The following PRKCA variants were observed in gnomAD, a reference collection of about 807,000 sequenced individuals.
The protein encoded by PRKCA is protein kinase C alpha type.
A neutral mutation model predicts 87.0 loss-of-function variants in PRKCA; 27 were observed. The ratio of observed to expected loss-of-function variants is 0.31; its 90% CI spans 0.23 to 0.43. The LOEUF (loss-of-function observed/expected upper bound fraction) is 0.43. PRKCA is among the 20% of genes least tolerant of loss of function. The pLI is 1.00. For missense variants in PRKCA, 518 were observed against 852.3 expected, an observed-to-expected ratio of 0.61 and a Z score of 4.88; for synonymous variants, 329 against 311.1, an observed-to-expected ratio of 1.06 and a Z score of -0.61.
rs1386903183 is a variant in PRKCA, at chr17:66,396,384, A to G, written c.205+90257A>G. 3.9e-5 allele frequency among the ~76,000 whole-genome samples: 6 copies of G among 152,320 alleles called. No individual in the cohort carries two copies. In the East Asian group the frequency reaches 9.6e-4, roughly 24 times the overall value. ...ATCATTTGCCTTTTCCTTCACGTGTAAAAGTCATATATGTTCTTTGGAGCC... is the reference window on the plus strand; with the variant it reads ...ATCATTTGCCTTTTCCTTCACGTGTGAAAGTCATATATGTTCTTTGGAGCC... On this transcript the variant is annotated intron_variant, in intron 2 of 16. Transcript: ENST00000413366.
intron 2 of PRKCA, among the ~76,000 whole-genome samples, chr17:66,437,733 A>AGTGGG (rs1567828446): frequency 5.3e-4 from 2 of 3,770 alleles, no homozygotes; most frequent in East Asian, 8.3e-3. Flanking sequence ...TTTTTTTTTG[A>AGTGGG]GCGGGGGGTG....
chr17:66,540,406 G>A (rs918770998), intron 3 of PRKCA, among the ~76,000 whole-genome samples: 5 of 152,198 alleles, frequency 3.3e-5, no homozygotes, highest in African/African-American at 9.6e-5. Flanking sequence ...GGGGGACGGC[G>A]TGTGCTGGTT....
chr17:66,431,407 A>G (rs1913092485), intron 2 of PRKCA, among the ~76,000 whole-genome samples: 1 of 152,174 alleles, frequency 6.6e-6, no homozygotes, highest in Non-Finnish European at 1.5e-5. Flanking sequence ...TGATCTTTTC[A>G]TACTTTTCTT....
At chr17:66,452,951 T>C (rs1914398167) in intron 2 of PRKCA, among the ~76,000 whole-genome samples, 1 of 152,232 alleles carries the variant, frequency 6.6e-6, no homozygotes, top group Non-Finnish European at 1.5e-5. Flanking sequence ...CAAGTGCCTG[T>C]TTGAACCCCC....
intron 2 of PRKCA, among the ~76,000 whole-genome samples, chr17:66,448,980 TAAAAAA>T (rs58373500): frequency 7.1e-6 from 1 of 140,606 alleles, no homozygotes. Context: ...ACTCTAAACT[TAAAAAA>T]AAAAAAAAAA....
chr17:66,765,416 GTCTATATATA>G (rs1160553581), intron 13 of PRKCA, among the ~76,000 whole-genome samples: 2 of 16,032 alleles, frequency 1.2e-4, no homozygotes, highest in African/African-American at 4.4e-4. Flanking sequence ...GCAAGACTTT[GTCTATATATA>G]TATATATATA....
chr17:66,482,681 T>A (rs2144058589), intron 2 of PRKCA, among the ~76,000 whole-genome samples: 1 of 152,324 alleles, frequency 6.6e-6, no homozygotes, highest in Admixed American at 6.5e-5. Flanking sequence ...ATTGTATGAT[T>A]ACAACGGCAG....
chr17:66,734,505 A>C (rs182666690), intron 9 of PRKCA, among the ~76,000 whole-genome samples: 88 of 152,280 alleles, frequency 5.8e-4, no homozygotes, highest in African/African-American at 2.0e-3. Context: ...CATGCTAATA[A>C]TGCATATAAT....
intron 3 of PRKCA, among the ~76,000 whole-genome samples, chr17:66,578,382 C>A (rs902279320): frequency 6.6e-6 from 1 of 152,028 alleles, no homozygotes; most frequent in Non-Finnish European, 1.5e-5. Context: ...AAGTCCTTGG[C>A]GAAGGATAAA....
At chr17:66,628,684 C>G (rs1385041698) in intron 3 of PRKCA, among the ~76,000 whole-genome samples, 1 of 152,142 alleles carries the variant, frequency 6.6e-6, no homozygotes, top group East Asian at 1.9e-4. Flanking sequence ...ATAAACTGCA[C>G]ATTTCGATTT....
chr17:66,746,914 A>G (rs1974301667), intron 13 of PRKCA, among the ~76,000 whole-genome samples: 1 of 152,210 alleles, frequency 6.6e-6, no homozygotes, highest in South Asian at 2.1e-4. Flanking sequence ...AGTAGATTCC[A>G]GCAGCCAAGA....
chr17:66,357,845 GAAGGGAAATCTGGCTCGGATTCT>G (rs892318894), intron 2 of PRKCA, among the ~76,000 whole-genome samples: 2 of 152,156 alleles, frequency 1.3e-5, no homozygotes, highest in African/African-American at 4.8e-5. Flanking sequence ...TACTAGTTTG[GAAGGGAAATCTGGCTCGGATTCT>G]AAACGGTACC....
At chr17:66,729,012 C>T in intron 8 of PRKCA, among the ~76,000 whole-genome samples, 1 of 152,206 alleles carries the variant, frequency 6.6e-6, no homozygotes, top group African/African-American at 2.4e-5. Flanking sequence ...TTAATCTGTG[C>T]CTCTTTCTGG....
chr17:66,385,052 A>T (rs1403422061), intron 2 of PRKCA, among the ~76,000 whole-genome samples: 1 of 152,152 alleles, frequency 6.6e-6, no homozygotes, highest in African/African-American at 2.4e-5. Context: ...TGAATTATGT[A>T]GCAATTTTGC....
chr17:66,643,967 A>C (rs1372084836), intron 4 of PRKCA, among the ~76,000 whole-genome samples: 3 of 152,210 alleles, frequency 2.0e-5, no homozygotes, highest in Non-Finnish European at 1.5e-5. Flanking sequence ...GGCCCAGTGC[A>C]CTTTCACCTC....
At chr17:66,734,858 A>G (rs1211855695) in intron 9 of PRKCA, among the ~76,000 whole-genome samples, 5 of 150,228 alleles carry the variant, frequency 3.3e-5, no homozygotes, top group African/African-American at 1.2e-4. Flanking sequence ...CTACTTCCTT[A>G]AAAGCAACTG....
At chr17:66,412,295 C>T (rs758833905) in intron 2 of PRKCA, among the ~76,000 whole-genome samples, 4 of 152,128 alleles carry the variant, frequency 2.6e-5, no homozygotes, top group Admixed American at 1.3e-4. Flanking sequence ...GAGCTCAAGT[C>T]GTCCACCAGG....
At chr17:66,615,080 T>C (rs1208203999) in intron 3 of PRKCA, among the ~76,000 whole-genome samples, 2 of 152,148 alleles carry the variant, frequency 1.3e-5, no homozygotes, top group African/African-American at 2.4e-5. Flanking sequence ...TGACCCCAAA[T>C]GGCTGTGTAG....
At chr17:66,448,391 G>C (rs1432419107) in intron 2 of PRKCA, among the ~76,000 whole-genome samples, 1 of 152,166 alleles carries the variant, frequency 6.6e-6, no homozygotes, top group Non-Finnish European at 1.5e-5. Flanking sequence ...ACGCCTGATG[G>C]AAGTTTGTGT....
Sources: gnomAD v4.1 joint callset for allele counts (sites outside exome capture counted in the v4.1 genomes callset) on GRCh38, gnomAD v4.1.1 for gene constraint, MANE v1.5 for transcripts, NCBI Gene and HGNC (gene_info 2026-07-23, HGNC 2026-07-21) for gene names.